Variants in SH3RF3 observed in about 807,000 individuals in gnomAD.
The protein encoded by SH3RF3 is E3 ubiquitin-protein ligase SH3RF3.
A neutral mutation model predicts 66.3 loss-of-function variants in SH3RF3; 29 were observed. The ratio of observed to expected loss-of-function variants is 0.44; its 90% CI spans 0.33 to 0.60. The LOEUF (loss-of-function observed/expected upper bound fraction) is 0.60. Among genes scored for constraint, SH3RF3 ranks in the 20% least tolerant of loss-of-function variants. SH3RF3 has a pLI of 0.04. For missense variants in SH3RF3, 1,194 were observed against 1,190.9 expected, an observed-to-expected ratio of 1.00 and a Z score of -0.04; for synonymous variants, 583 against 532.0, an observed-to-expected ratio of 1.10 and a Z score of -1.32.
intron 1 of SH3RF3, among the ~76,000 whole-genome samples, chr2:109,300,313 G>A (rs553696244): frequency 6.6e-6 from 1 of 152,230 alleles, no homozygotes; most frequent in East Asian, 1.9e-4. Flanking sequence ...CCGAGTAGCT[G>A]GGACTATAGT....
At chr2:109,457,973 C>T (rs527462335) in intron 8 of SH3RF3, among the ~76,000 whole-genome samples, 19 of 152,260 alleles carry the variant, frequency 1.2e-4, no homozygotes, top group African/African-American at 4.1e-4. Flanking sequence ...AGGGAAATGT[C>T]GAGAAAGAAC....
intron 1 of SH3RF3, among the ~76,000 whole-genome samples, chr2:109,170,256 T>TCTCTTCTC (rs1455725533): frequency 1.3e-4 from 4 of 30,808 alleles, no homozygotes; most frequent in African/African-American, 4.0e-4. Context: ...TCTCTTCTCT[T>TCTCTTCTC]CTCTTCTCTT....
chr2:109,236,681 G>A (rs373862745), intron 1 of SH3RF3, among the ~76,000 whole-genome samples: 4 of 152,218 alleles, frequency 2.6e-5, no homozygotes, highest in Admixed American at 1.3e-4. Context: ...GGTCAAGGTC[G>A]AAGAAAGGAA....
chr2:109,222,260 T>C (rs1273733630), intron 1 of SH3RF3, among the ~76,000 whole-genome samples: 3 of 152,198 alleles, frequency 2.0e-5, no homozygotes, highest in Non-Finnish European at 4.4e-5. Context: ...TCAGAAGGAA[T>C]GAATTCTCGT....
chr2:109,380,004 G>T (rs968078712), intron 3 of SH3RF3, among the ~76,000 whole-genome samples: 4 of 152,062 alleles, frequency 2.6e-5, no homozygotes, highest in Non-Finnish European at 5.9e-5. Flanking sequence ...TTGGATTAAC[G>T]ACATAAAGAA....
intron 1 of SH3RF3, among the ~76,000 whole-genome samples, chr2:109,163,711 A>G (rs1677550090): frequency 6.6e-6 from 1 of 152,050 alleles, no homozygotes; most frequent in African/African-American, 2.4e-5. Flanking sequence ...AAATATTCTT[A>G]AGCTTGGAGA....
chr2:109,484,626 T>C (rs1678921876), intron 8 of SH3RF3, among the ~76,000 whole-genome samples: 1 of 152,172 alleles, frequency 6.6e-6, no homozygotes, highest in Non-Finnish European at 1.5e-5. Context: ...AGTACCATTG[T>C]TTCAAAACAA....
rs1659703373 is a variant in SH3RF3, at chr2:109,388,690, C to T, written c.946-9900C>T. ...CATGTACTTTGCCCCCAGCACTAAA[C>T]ATTTGAAGCATCTGTGAAATGAGAC... On this transcript the variant is annotated intron_variant, in intron 3 of 9. Transcript: ENST00000309415. Among the ~76,000 whole-genome samples, 12 of 152,216 alleles carry T rather than the reference C, an allele frequency of 7.9e-5. No homozygotes were observed. The South Asian group carries it at 2.5e-3, about 32-fold the overall frequency.
At chr2:109,234,289 G>A (rs565529853) in intron 1 of SH3RF3, among the ~76,000 whole-genome samples, 1 of 152,328 alleles carries the variant, frequency 6.6e-6, no homozygotes, top group East Asian at 1.9e-4. Flanking sequence ...ACCTTTCATG[G>A]ACAGTTCATA....
intron 1 of SH3RF3, among the ~76,000 whole-genome samples, chr2:109,290,819 CT>C (rs1681149109): frequency 6.6e-6 from 1 of 152,262 alleles, no homozygotes; most frequent in African/African-American, 2.4e-5. Context: ...CTTCTAACAA[CT>C]GCCTGAAACA....
At chr2:109,327,659 T>G (rs1299377293) in intron 1 of SH3RF3, among the ~76,000 whole-genome samples, 1 of 152,234 alleles carries the variant, frequency 6.6e-6, no homozygotes, top group Non-Finnish European at 1.5e-5. Context: ...TTTAGTAAAA[T>G]TGCATAATAT....
At chr2:109,427,401 A>G (rs1677055556) in intron 5 of SH3RF3, among the ~76,000 whole-genome samples, 1 of 152,212 alleles carries the variant, frequency 6.6e-6, no homozygotes, top group African/African-American at 2.4e-5. Flanking sequence ...GTGACAGTTT[A>G]TTGCAATATT....
intron 1 of SH3RF3, among the ~76,000 whole-genome samples, chr2:109,169,696 C>T (rs61576679): frequency 6.6e-6 from 1 of 151,700 alleles, no homozygotes; most frequent in Non-Finnish European, 1.5e-5. Flanking sequence ...TTGGCTATAT[C>T]TCTCTCTCTA....
At chr2:109,404,221 C>G (rs1386450957) in intron 4 of SH3RF3, among the ~76,000 whole-genome samples, 2 of 152,128 alleles carry the variant, frequency 1.3e-5, no homozygotes, top group Non-Finnish European at 2.9e-5. Flanking sequence ...ACCCACACAG[C>G]CTGAAATATC....
At chr2:109,226,199 C>G (rs1679370389) in intron 1 of SH3RF3, among the ~76,000 whole-genome samples, 1 of 152,218 alleles carries the variant, frequency 6.6e-6, no homozygotes, top group African/African-American at 2.4e-5. Context: ...CACAGCTCTG[C>G]TTGTCAACAT....
At chr2:109,368,762 C>T (rs1194637867) in intron 2 of SH3RF3, among the ~76,000 whole-genome samples, 1 of 149,948 alleles carries the variant, frequency 6.7e-6, no homozygotes, top group Non-Finnish European at 1.5e-5. Context: ...CAAAATTAAT[C>T]TGGCATTTTC....
chr2:109,450,415 C>T (rs909555846), intron 8 of SH3RF3, among the ~76,000 whole-genome samples: 3 of 151,954 alleles, frequency 2.0e-5, no homozygotes, highest in African/African-American at 4.8e-5. Context: ...CCCTGCTAGA[C>T]GTTAGATTAA....
In SH3RF3 at chr2:109,187,845, C is replaced by CT. The variant is rs1223359498; in HGVS notation, c.573+57734dup. ...ATTGTGACCAGGACCCCATTCTCAG[C>CT]TTATCAGCACGGACTGGGTGCTCTC... On this transcript the variant is annotated intron_variant, in intron 1 of 9. Transcript: ENST00000309415. Among the ~76,000 whole-genome samples the CT allele has an allele frequency of 4.7e-4, 71 of 152,340 alleles. 1 individual carries two copies. The highest frequency in any genetic ancestry group is 1.7e-3 in the African/African-American group (71 of 41,582).
rs753317886 is a variant in SH3RF3 at position 109,398,779 on chromosome 2, C to T, written c.1135C>T (p.Arg379Cys). ...RVDGKKNTKK[R>C]HSFTALSVTH... is the part of the protein sequence containing the mutation. Reference sequence around the variant, plus strand: ...GGATGGCAAGAAGAACACCAAGAAACGCCACTCCTTCACCGCGCTCAGTGT... The same window carrying T: ...GGATGGCAAGAAGAACACCAAGAAATGCCACTCCTTCACCGCGCTCAGTGT... Residue 379 changes from arginine to cysteine, a missense_variant, in exon 4 of 10, where the codon CGC (arginine) becomes TGC (cysteine). Transcript: ENST00000309415. The T allele has an allele frequency of 3.1e-6, 5 of 1,613,762 alleles. No individual in the cohort carries two copies. Among genetic ancestry groups the T allele is most frequent in the Non-Finnish European group, 4.2e-6 (5 of 1,179,812 alleles).
Sources: gnomAD v4.1 joint callset for allele counts (sites outside exome capture counted in the v4.1 genomes callset) on GRCh38, gnomAD v4.1.1 for gene constraint, MANE v1.5 for transcripts, NCBI Gene and HGNC (gene_info 2026-07-23, HGNC 2026-07-21) for gene names.